DEFB110: variants seen among roughly 807,000 people sequenced by gnomAD.
DEFB110 encodes the protein defensin beta 110, also known as beta-defensin 110.
DEFB110 carries 4 observed loss-of-function variants against 2.5 expected under a neutral mutation model. That is an observed-to-expected ratio of 1.60 (90% CI 0.79 to 3.66). The LOEUF (loss-of-function observed/expected upper bound fraction) is 3.66. Ranked by LOEUF, DEFB110 falls within the 30% of genes most tolerant of loss-of-function variation. DEFB110 has a pLI of 0.01. For synonymous variants in DEFB110, 29 were observed against 21.8 expected, an observed-to-expected ratio of 1.33 and a Z score of -0.92; for missense variants, 94 against 75.4, an observed-to-expected ratio of 1.25 and a Z score of -0.91.
intron 1 of DEFB110, among the ~76,000 whole-genome samples, chr6:50,021,484 C>T (rs925964126): frequency 6.6e-6 from 1 of 152,184 alleles, no homozygotes; most frequent in African/African-American, 2.4e-5. Context: ...TCATTACTTT[C>T]AACAAAGTAA....
chr6:50,021,270 C>T (rs1205173173), intron 1 of DEFB110, among the ~76,000 whole-genome samples: 1 of 152,120 alleles, frequency 6.6e-6, no homozygotes, highest in African/African-American at 2.4e-5. Context: ...TTAGCAGCAT[C>T]CTGGGTTCTA....
chr6:50,020,887 C>T lies in DEFB110; in HGVS notation c.55+994G>A, dbSNP rs144808433. Among the ~76,000 whole-genome samples the T allele has an allele frequency of 6.7e-3, 1,020 of 152,288 alleles. 33 individuals carry two copies. Among genetic ancestry groups the T allele is most frequent in the Admixed American group, 0.057 (876 of 15,284 alleles). ...TTATTATCAAACCCATATGTGATTA[C>T]CCGTGACAGACACCTGAATTATACT... On this transcript the variant is annotated intron_variant, in intron 1 of 1. Coordinates refer to ENST00000371148, the MANE Select transcript of DEFB110 (RefSeq NM_001037497.2).
At chr6:50,009,593 T>G (rs1774193031) in intron 1 of DEFB110, among the ~76,000 whole-genome samples, 1 of 152,204 alleles carries the variant, frequency 6.6e-6, no homozygotes, top group South Asian at 2.1e-4. Context: ...GTCAGACATT[T>G]GTTGTGATAC....
downstream of DEFB110, among the ~76,000 whole-genome samples, chr6:50,014,087 A>T (rs965252131): frequency 7.2e-5 from 11 of 151,934 alleles, no homozygotes; most frequent in African/African-American, 2.7e-4. Context: ...AAAGGGATTC[A>T]GAGACAACAC....
At chr6:50,011,081 A>G (rs544653085) in intron 1 of DEFB110, among the ~76,000 whole-genome samples, 16 of 151,874 alleles carry the variant, frequency 1.1e-4, no homozygotes, top group African/African-American at 3.9e-4. Context: ...ATGGCTCACT[A>G]TAGAATCAAA....
chr6:50,017,329 T>A (rs1013185534), downstream of DEFB110, among the ~76,000 whole-genome samples: 7 of 151,874 alleles, frequency 4.6e-5, no homozygotes, highest in South Asian at 2.1e-4. Flanking sequence ...CTCACTGATT[T>A]TTTTATTGTT....
chr6:50,018,941 C>G lies in DEFB110; in HGVS notation c.*36G>C, dbSNP rs1205129777. 4 of 1,590,022 alleles carry G rather than the reference C, an allele frequency of 2.5e-6. No individual in the cohort carries two copies. The highest frequency in any genetic ancestry group is 3.4e-6 in the Non-Finnish European group (4 of 1,169,774). On this transcript the variant is annotated 3_prime_UTR_variant, in exon 2 of 2. Coordinates refer to ENST00000371148, the MANE Select transcript of DEFB110 (RefSeq NM_001037497.2). ...GGAAAACTTAATAACGCTGGTCTCT[C>G]TTCTTGGAGCTTGTGACTCTTTTCT...
intron 1 of DEFB110, among the ~76,000 whole-genome samples, chr6:50,009,515 A>C (rs914540483): frequency 6.6e-6 from 1 of 152,188 alleles, no homozygotes; most frequent in African/African-American, 2.4e-5. Context: ...ACTAAATGTC[A>C]GCTGGCTCAG....
chr6:50,019,864 C>T (rs1196060285), intron 1 of DEFB110, among the ~76,000 whole-genome samples: 7 of 151,978 alleles, frequency 4.6e-5, no homozygotes, highest in African/African-American at 9.7e-5. Context: ...GAGCCAAATC[C>T]ACCCTGCCAC....
In DEFB110 at chr6:50,019,027, T is replaced by C; in HGVS notation, c.154A>G (p.Arg52Gly). 6.2e-7 allele frequency: 1 copy of C among 1,613,176 alleles called. No individual in the cohort carries two copies. Among genetic ancestry groups the C allele is most frequent in the Middle Eastern group, 1.7e-4 (1 of 6,056 alleles). The change falls in exon 2 of 2, where the codon AGG becomes GGG. Residue 52 changes from arginine to glycine, a missense_variant. Physicochemically the swap from Arg to Gly is moderately radical, Grantham distance 125 (BLOSUM62 -2). Coordinates refer to ENST00000371148, the MANE Select transcript of DEFB110 (RefSeq NM_001037497.2). Reference protein sequence around the residue: ...CKNQCHENEIRIAYCIRPGTH... With the variant: ...CKNQCHENEIGIAYCIRPGTH... ...CCAGGTCTTATGCAGTAAGCAATCC[T>C]AATTTCATTTTCATGACACTGATTT...
At chr6:50,018,105 T>G (rs1349778724), downstream of DEFB110, among the ~76,000 whole-genome samples, 5 of 152,010 alleles carry the variant, frequency 3.3e-5, no homozygotes, top group African/African-American at 1.2e-4. Context: ...GGAAAACAAA[T>G]GGTACAGATG....
intron 1 of DEFB110, among the ~76,000 whole-genome samples, chr6:50,010,743 G>A (rs1774213144): frequency 6.6e-6 from 1 of 151,438 alleles, no homozygotes; most frequent in African/African-American, 2.4e-5. Context: ...TTAAAGTCAG[G>A]AAGACAATGA....
chr6:50,013,109 T>A (rs1666816012), intron 1 of DEFB110, among the ~76,000 whole-genome samples: 1 of 151,854 alleles, frequency 6.6e-6, no homozygotes, highest in Non-Finnish European at 1.5e-5. Flanking sequence ...TTTGGATTTA[T>A]TACTCCAATA....
chr6:50,018,948 G>A lies in DEFB110; in HGVS notation c.*29C>T. On this transcript the variant is annotated 3_prime_UTR_variant, in exon 2 of 2. Transcript: ENST00000371148. ...TTAATAACGCTGGTCTCTCTTCTTG[G>A]AGCTTGTGACTCTTTTCTTCTGTCA... The A allele has an allele frequency of 6.3e-7, 1 of 1,595,746 alleles. No individual in the cohort carries two copies. Among genetic ancestry groups the A allele is most frequent in the East Asian group, 2.2e-5 (1 of 44,710 alleles).
chr6:50,015,984 T>C (rs1582366375), downstream of DEFB110, among the ~76,000 whole-genome samples: 2 of 151,976 alleles, frequency 1.3e-5, no homozygotes, highest in South Asian at 2.1e-4. Context: ...TCAATATCAG[T>C]TCCTTAAGCC....
At chr6:50,019,237 C>T in intron 1 of DEFB110, 112 bp from the exon 2 acceptor site, 1 of 1,142,156 alleles carries the variant, frequency 8.8e-7, no homozygotes, top group Non-Finnish European at 1.2e-6. Context: ...GTCCACCTAC[C>T]TATGGAGGAA....
At chr6:50,014,305 G>A (rs1774280294), downstream of DEFB110, among the ~76,000 whole-genome samples, 1 of 151,752 alleles carries the variant, frequency 6.6e-6, no homozygotes, top group African/African-American at 2.4e-5. Flanking sequence ...TGGGAAGAGT[G>A]TAAAAGAGTT....
chr6:50,019,606 C>T (rs905260654), intron 1 of DEFB110, among the ~76,000 whole-genome samples: 2 of 152,018 alleles, frequency 1.3e-5, no homozygotes, highest in African/African-American at 4.8e-5. Context: ...TCCTGCAACT[C>T]CCCTGAATAT....
At chr6:50,019,961 A>G (rs1195812344) in intron 1 of DEFB110, among the ~76,000 whole-genome samples, 1 of 152,100 alleles carries the variant, frequency 6.6e-6, no homozygotes, top group Non-Finnish European at 1.5e-5. Flanking sequence ...AAAATAATGC[A>G]GTTGAGATCA....
Sources: gnomAD v4.1 joint callset for allele counts (sites outside exome capture counted in the v4.1 genomes callset) on GRCh38, gnomAD v4.1.1 for gene constraint, MANE v1.5 for transcripts, NCBI Gene and HGNC (gene_info 2026-07-23, HGNC 2026-07-21) for gene names.